DENND5B: variants seen among roughly 807,000 people sequenced by gnomAD.
The protein encoded by DENND5B is DENN domain-containing protein 5B.
In DENND5B, 34 loss-of-function variants were observed where a neutral mutation model predicts 140.6. The observed-to-expected ratio is 0.24, with a 90% CI of 0.18 to 0.32. DENND5B has a LOEUF of 0.32. DENND5B is among the 10% of genes least tolerant of loss of function. The pLI, the probability that DENND5B is intolerant of heterozygous loss-of-function variation, is 1.00. For synonymous variants in DENND5B, 551 were observed against 562.1 expected (o/e 0.98, Z 0.28); for missense variants, 1,142 against 1,560.2 (o/e 0.73, Z 4.52).
chr12:31,491,565 A>C (rs1420010362), intron 2 of DENND5B, among the ~76,000 whole-genome samples: 2 of 152,206 alleles, frequency 1.3e-5, no homozygotes, highest in Non-Finnish European at 2.9e-5. Flanking sequence ...AGGGAAAGGG[A>C]AAGGAAAGGA....
chr12:31,458,039 T>G lies in DENND5B; in HGVS notation c.1092+2155A>C, dbSNP rs542867624. On this transcript the variant is annotated intron_variant, in intron 4 of 20. Transcript: ENST00000389082. ...GAAGCACTGCTATTTTCACAGCTAA[T>G]TCAGGTTATTTCATATTATTCTACT... Among the ~76,000 whole-genome samples, 8 of 152,342 alleles carry G rather than the reference T, an allele frequency of 5.3e-5. No homozygotes were observed. The East Asian group carries it at 1.5e-3, about 29-fold the overall frequency.
At chr12:31,455,948 G>T (rs1411995045) in intron 4 of DENND5B, among the ~76,000 whole-genome samples, 1 of 152,160 alleles carries the variant, frequency 6.6e-6, no homozygotes, top group African/African-American at 2.4e-5. Context: ...GAACCCAGGA[G>T]GCAGAGGTTG....
chr12:31,447,325 TTTA>T (rs1364779089), intron 6 of DENND5B, among the ~76,000 whole-genome samples: 3 of 151,938 alleles, frequency 2.0e-5, no homozygotes, highest in Non-Finnish European at 4.4e-5. Flanking sequence ...CTTGATTCAA[TTTA>T]TTATTGTTTT....
chr12:31,542,834 G>A (rs1034475783), intron 1 of DENND5B, among the ~76,000 whole-genome samples: 1 of 152,098 alleles, frequency 6.6e-6, no homozygotes, highest in Non-Finnish European at 1.5e-5. Context: ...GCATGCAACT[G>A]CAGTCCCAGC....
intron 11 of DENND5B, among the ~76,000 whole-genome samples, chr12:31,418,799 T>C (rs973755202): frequency 6.6e-6 from 1 of 151,830 alleles, no homozygotes; most frequent in South Asian, 2.1e-4. Context: ...AGAGAACAAG[T>C]GAGAAACTTC....
intron 6 of DENND5B, among the ~76,000 whole-genome samples, chr12:31,445,496 G>C (rs763742068): frequency 1.3e-5 from 2 of 152,118 alleles, no homozygotes; most frequent in African/African-American, 4.8e-5. Flanking sequence ...TTGAGCTCAG[G>C]AGTTCAAGAC....
At chr12:31,488,130 T>C (rs1243067156) in intron 2 of DENND5B, among the ~76,000 whole-genome samples, 1 of 83,542 alleles carries the variant, frequency 1.2e-5, no homozygotes, top group Non-Finnish European at 2.5e-5. Context: ...CATACCCGGC[T>C]ATTTTTTTTT....
At chr12:31,404,112 C>G (rs1255402989) in intron 14 of DENND5B, among the ~76,000 whole-genome samples, 1 of 151,816 alleles carries the variant, frequency 6.6e-6, no homozygotes, top group East Asian at 1.9e-4. Flanking sequence ...GTAGTCCCAG[C>G]TACTCAGGAG....
intron 3 of DENND5B, among the ~76,000 whole-genome samples, chr12:31,474,663 A>G (rs747444042): frequency 2.4e-4 from 36 of 152,120 alleles, no homozygotes; most frequent in Non-Finnish European, 3.7e-4. Context: ...AATGTTTTTA[A>G]ATTTATGGCA....
At chr12:31,439,696 G>A (rs1473958331) in intron 7 of DENND5B, among the ~76,000 whole-genome samples, 1 of 151,994 alleles carries the variant, frequency 6.6e-6, no homozygotes, top group African/African-American at 2.4e-5. Flanking sequence ...TTGGGAGGCC[G>A]AGGTGGGCGG....
At chr12:31,450,544 A>T (rs570432643) in intron 5 of DENND5B, among the ~76,000 whole-genome samples, 1 of 152,016 alleles carries the variant, frequency 6.6e-6, no homozygotes, top group African/African-American at 2.4e-5. Context: ...TTTTGTAGAG[A>T]TGAGTTCTCA....
chr12:31,586,960 C>T (rs1482347235), intron 1 of DENND5B, among the ~76,000 whole-genome samples: 3 of 152,174 alleles, frequency 2.0e-5, no homozygotes, highest in East Asian at 1.9e-4. Context: ...TGTTGCTCTA[C>T]GGAAATAGTC....
intron 3 of DENND5B, among the ~76,000 whole-genome samples, chr12:31,464,671 A>G (rs1945173664): frequency 6.6e-6 from 1 of 151,980 alleles, no homozygotes; most frequent in South Asian, 2.1e-4. Context: ...AGTGATTCTC[A>G]TGCCTCAGCC....
In DENND5B at chr12:31,421,704, C is replaced by T. The variant is rs1943032960; in HGVS notation, c.2470+1893G>A. ...AGCTGGGATTACAGATGCCCACCAC[C>T]ATGCCCGGCTAATTTTTTTTAATTT... On this transcript the variant is annotated intron_variant, in intron 11 of 20. Coordinates refer to ENST00000389082, the MANE Select transcript of DENND5B (RefSeq NM_144973.4). 2.0e-5 allele frequency among the ~76,000 whole-genome samples: 3 copies of T among 152,106 alleles called. No individual in the cohort carries two copies. In the South Asian group the frequency reaches 6.2e-4, roughly 31 times the overall value.
In DENND5B at chr12:31,441,918, A is replaced by G. The variant is rs192041872; in HGVS notation, c.2012+857T>C. On this transcript the variant is annotated intron_variant, in intron 7 of 20. Transcript: ENST00000389082. ...GGCTGGTCCTGAACTCCTGGGCTCA[A>G]GCTATCTGCCTGCCTCGGCCTCCCA... Among the ~76,000 whole-genome samples the G allele has an allele frequency of 8.0e-4, 122 of 151,822 alleles. 3 individuals are homozygous for G. In the East Asian group the frequency reaches 0.02, roughly 25 times the overall value.
chr12:31,529,210 G>A (rs908061691), intron 1 of DENND5B, among the ~76,000 whole-genome samples: 6 of 150,444 alleles, frequency 4.0e-5, no homozygotes, highest in Non-Finnish European at 7.4e-5. Flanking sequence ...TATTGGATGA[G>A]ATAACCAAGG....
Position 31,452,101 on chromosome 12 carries a change from C to T in DENND5B, c.1468G>A (p.Glu490Lys), listed in dbSNP as rs1437341049. 1 of 1,613,940 alleles carries T rather than the reference C, an allele frequency of 6.2e-7. No homozygotes were observed. Among genetic ancestry groups the T allele is most frequent in the Admixed American group, 1.7e-5 (1 of 60,016 alleles). The change falls in exon 5 of 21, where the codon GAG becomes AAG. Residue 490 changes from glutamate (E) to lysine (K), a missense_variant. Glu to Lys is a moderately conservative substitution (Grantham distance 56). Transcript: ENST00000389082. ...KDKDLKLHCE[E>K]AELRDYQLNV... ...AGCTGGTAGTCCCTTAGTTCTGCCT[C>T]TTCACAATGCAGTTTTAAATCCTTG...
At chr12:31,445,076 C>T (rs958661579) in intron 6 of DENND5B, among the ~76,000 whole-genome samples, 1 of 152,082 alleles carries the variant, frequency 6.6e-6, no homozygotes, top group Non-Finnish European at 1.5e-5. Flanking sequence ...CCTTTTTCTC[C>T]AGAGGAAAAG....
rs571376046 is a variant in DENND5B, at chr12:31,514,268, G to A, written c.128-18349C>T. The stretch of plus-strand genomic sequence containing the variant: ...TAAGAGCAACAGGCTGTATCATATA[G>A]TCAAGGTTTGTAGTAGGCTATGCTA... On this transcript the variant is annotated intron_variant, in intron 1 of 20. Coordinates refer to ENST00000389082, the MANE Select transcript of DENND5B (RefSeq NM_144973.4). Among the ~76,000 whole-genome samples, 11 of 152,288 alleles carry A rather than the reference G, an allele frequency of 7.2e-5. No individual in the cohort carries two copies. The South Asian group carries it at 2.3e-3, about 32-fold the overall frequency.
Sources: allele counts gnomAD v4.1 joint callset (sites outside exome capture counted in the v4.1 genomes callset), GRCh38; gene constraint gnomAD v4.1.1; transcripts MANE v1.5; gene names NCBI Gene and HGNC (gene_info 2026-07-23, HGNC 2026-07-21).